The following NDST3 variants were observed in gnomAD, a reference collection of about 807,000 sequenced individuals.
The protein encoded by NDST3 is bifunctional heparan sulfate N-deacetylase/N-sulfotransferase 3.
In NDST3, 58 loss-of-function variants were observed where a neutral mutation model predicts 96.1. The ratio of observed to expected loss-of-function variants is 0.60; its 90% confidence interval spans 0.49 to 0.75. The LOEUF (loss-of-function observed/expected upper bound fraction) is 0.75, where lower values mean the gene tolerates loss of function less well. Ranked by LOEUF, NDST3 falls within the 30% of genes least tolerant of loss-of-function variation. The probability of loss-of-function intolerance (pLI) is 0.00; values close to 1 mark genes in which losing one functional copy is unlikely to be tolerated. For synonymous variants in NDST3, 333 were observed against 359.7 expected (o/e 0.93, Z 0.84); for missense variants, 788 against 1,034.2 (o/e 0.76, Z 3.27).
At chr4:118,115,092 G>A (rs112307317) in intron 4 of NDST3, 132 bp downstream of exon 4, 57 of 878,342 alleles carry the variant, frequency 6.5e-5, no homozygotes, top group South Asian at 3.0e-4. Context: ...TGGTATTGCC[G>A]CCTTTCAGTA....
intron 2 of NDST3, among the ~76,000 whole-genome samples, chr4:118,072,476 G>C (rs1727164234): frequency 6.6e-6 from 1 of 151,908 alleles, no homozygotes; most frequent in Admixed American, 6.6e-5. Flanking sequence ...AGGTATTTTG[G>C]TTTGTGAATG....
At chr4:118,049,240 T>C (rs929840342) in intron 1 of NDST3, among the ~76,000 whole-genome samples, 1 of 152,064 alleles carries the variant, frequency 6.6e-6, no homozygotes, top group African/African-American at 2.4e-5. Context: ...AGAAGAAAGA[T>C]TATAGCATTA....
chr4:118,040,160 G>T (rs1350947959), intron 1 of NDST3, among the ~76,000 whole-genome samples: 2 of 152,182 alleles, frequency 1.3e-5, no homozygotes, highest in Non-Finnish European at 2.9e-5. Context: ...GGTTAAGTTT[G>T]CTTGTGACAT....
At chr4:118,096,708 T>TAGATAGATAGATAGAC (rs1476720051) in intron 2 of NDST3, among the ~76,000 whole-genome samples, 44 of 145,356 alleles carry the variant, frequency 3.0e-4, no homozygotes, top group South Asian at 4.4e-4. Context: ...GATAGATAGA[T>TAGATAGATAGATAGAC]AGACAGTTAG....
chr4:118,187,835 T>C (rs6855052), intron 6 of NDST3, among the ~76,000 whole-genome samples: 27,560 of 152,122 alleles, frequency 0.18, 2,659 homozygotes, highest in South Asian at 0.23. Flanking sequence ...GACTGTGGAA[T>C]GACCCTTCTC....
chr4:118,054,573 A>G lies in NDST3; in HGVS notation c.663A>G (p.Thr221=). Reference sequence around the variant, plus strand: ...GTTCTTTACCTGGAACTGACTGGACAGTTTTTCAGATTAATCATTCAGCCT... The same window carrying G: ...GTTCTTTACCTGGAACTGACTGGACGGTTTTTCAGATTAATCATTCAGCCT... ...EKGSLPGTDW[T]VFQINHSAYQ... is the part of the protein sequence containing the mutation. Residue 221 remains threonine (T), a synonymous_variant, in exon 2 of 14, where the codon ACA becomes ACG. Coordinates refer to ENST00000296499, the MANE Select transcript of NDST3 (RefSeq NM_004784.3). 6.2e-7 allele frequency: 1 copy of G among 1,613,342 alleles called. No homozygotes were observed. The highest frequency in any genetic ancestry group is 8.5e-7 in the Non-Finnish European group (1 of 1,179,492).
intron 2 of NDST3, among the ~76,000 whole-genome samples, chr4:118,087,641 T>C (rs1436929590): frequency 6.6e-6 from 1 of 152,098 alleles, no homozygotes; most frequent in Non-Finnish European, 1.5e-5. Flanking sequence ...TGTCCATACT[T>C]GACATGTATG....
rs758125373 is a variant in NDST3, at chr4:118,233,150, T to C, written c.1943+15T>C. The C allele has an allele frequency of 2.5e-5, 40 of 1,604,538 alleles. No individual in the cohort carries two copies. Among genetic ancestry groups the C allele is most frequent in the Non-Finnish European group, 3.2e-5 (38 of 1,172,238 alleles). ...GGGATTGATTGGTAAGATGGGTTATTAGTATAAATCTAAAAGTATATGTAC... is the reference window on the plus strand; with the variant it reads ...GGGATTGATTGGTAAGATGGGTTATCAGTATAAATCTAAAAGTATATGTAC... On this transcript the variant is annotated intron_variant, in intron 9 of 13. Coordinates refer to ENST00000296499, the MANE Select transcript of NDST3 (RefSeq NM_004784.3).
intron 2 of NDST3, among the ~76,000 whole-genome samples, chr4:118,096,716 T>C (rs938884978): frequency 7.1e-4 from 104 of 147,268 alleles, no homozygotes; most frequent in African/African-American, 2.4e-3. Context: ...GATAGACAGT[T>C]AGGCAGATGT....
At chr4:118,075,322 A>T (rs1339916202) in intron 2 of NDST3, among the ~76,000 whole-genome samples, 1 of 152,126 alleles carries the variant, frequency 6.6e-6, no homozygotes. Flanking sequence ...GGTTGGTTCC[A>T]TGTCTTTGCT....
chr4:118,138,504 T>C (rs183710871), intron 5 of NDST3, among the ~76,000 whole-genome samples: 1 of 152,348 alleles, frequency 6.6e-6, no homozygotes, highest in Non-Finnish European at 1.5e-5. Flanking sequence ...AAAAATTACA[T>C]TTAACTTGCA....
intron 3 of NDST3, among the ~76,000 whole-genome samples, chr4:118,111,593 G>A (rs1316871332): frequency 6.7e-6 from 1 of 149,610 alleles, no homozygotes; most frequent in Non-Finnish European, 1.5e-5. Flanking sequence ...CTGGAGTGTA[G>A]CGACGCCATC....
intron 6 of NDST3, among the ~76,000 whole-genome samples, chr4:118,210,604 C>T (rs950752992): frequency 6.6e-6 from 1 of 151,812 alleles, no homozygotes; most frequent in Non-Finnish European, 1.5e-5. Flanking sequence ...GGTGAAACCC[C>T]GTCTCTACTA....
intron 2 of NDST3, among the ~76,000 whole-genome samples, chr4:118,079,730 C>T (rs1450841722): frequency 6.6e-6 from 1 of 151,948 alleles, no homozygotes; most frequent in Non-Finnish European, 1.5e-5. Context: ...TACTGGCTGT[C>T]GTATGGAGAA....
chr4:118,072,188 C>T (rs530751128), intron 2 of NDST3, among the ~76,000 whole-genome samples: 12 of 151,992 alleles, frequency 7.9e-5, no homozygotes, highest in African/African-American at 2.7e-4. Flanking sequence ...GTTCTTTTTG[C>T]TTAGGATTGC....
At chr4:118,040,865 T>TTATATATATATATATTTATATA (rs995950295) in intron 1 of NDST3, among the ~76,000 whole-genome samples, 1 of 28,716 alleles carries the variant, frequency 3.5e-5, no homozygotes, top group South Asian at 4.8e-3. Flanking sequence ...ATTTATATAT[T>TTATATATATATATATTTATATA]TTTATATATA....
rs546115289 is a variant in NDST3, at chr4:118,196,804, C to G, written c.1540-27687C>G. Among the ~76,000 whole-genome samples the G allele has an allele frequency of 3.8e-4, 57 of 151,186 alleles. No homozygotes were observed. The South Asian group carries it at 7.7e-3, about 21-fold the overall frequency. On this transcript the variant is annotated intron_variant, in intron 6 of 13. Transcript: ENST00000296499. ...TAAAAAAACTTTTCGATTCATTGAT[C>G]TTTTGTATTGTCTTCTTCATTTCAA...
intron 1 of NDST3, among the ~76,000 whole-genome samples, chr4:118,047,453 A>C (rs1724834744): frequency 6.6e-6 from 1 of 152,254 alleles, no homozygotes; most frequent in Non-Finnish European, 1.5e-5. Context: ...TCTGGATGGC[A>C]AGAAAGGTTG....
At position 118,111,453 on chromosome 4, in the gene NDST3, A is replaced by T. The variant is rs192313304; in HGVS notation, c.1070-3353A>T. 3.2e-3 allele frequency among the ~76,000 whole-genome samples: 483 copies of T among 152,248 alleles called. 2 individuals are homozygous for T. The highest frequency in any genetic ancestry group is 9.6e-3 in the African/African-American group (398 of 41,550). On this transcript the variant is annotated intron_variant, in intron 3 of 13. Coordinates refer to ENST00000296499, the MANE Select transcript of NDST3 (RefSeq NM_004784.3). ...CAAAGGTGGGCAAAGTAGGGAAGCA[A>T]AGAGTGGGCAAGAGGCCACGACAGT... is the stretch of plus-strand genomic sequence containing the variant.
Sources: gnomAD v4.1 joint callset for allele counts (sites outside exome capture counted in the v4.1 genomes callset) on GRCh38, gnomAD v4.1.1 for gene constraint, MANE v1.5 for transcripts, NCBI Gene and HGNC (gene_info 2026-07-23, HGNC 2026-07-21) for gene names.